Variants in BCL2 observed in about 807,000 individuals in gnomAD.
BCL2 encodes the protein apoptosis regulator Bcl-2.
BCL2 carries 1 observed loss-of-function variant against 14.2 expected under a neutral mutation model. That is an observed-to-expected ratio of 0.07 (90% CI 0.02 to 0.33). BCL2 has a LOEUF of 0.33. Ranked by LOEUF, BCL2 falls within the 10% of genes least tolerant of loss-of-function variation. The pLI is 0.99. For synonymous variants in BCL2, 151 were observed against 137.2 expected, an observed-to-expected ratio of 1.10 and a Z score of -0.70; for missense variants, 247 against 305.9, an observed-to-expected ratio of 0.81 and a Z score of 1.44.
At chr18:63,287,717 G>A (rs1342766540) in intron 2 of BCL2, among the ~76,000 whole-genome samples, 1 of 152,112 alleles carries the variant, frequency 6.6e-6, no homozygotes, top group Non-Finnish European at 1.5e-5. Context: ...AAGAAGGAAT[G>A]AGAGGTTGAA....
intron 2 of BCL2, among the ~76,000 whole-genome samples, chr18:63,208,693 C>T (rs192274629): frequency 8.5e-5 from 13 of 152,252 alleles, no homozygotes; most frequent in African/African-American, 1.9e-4. Flanking sequence ...TTTTAACTAT[C>T]GGGCTAAGGA....
At chr18:63,200,086 T>C (rs939561789) in intron 2 of BCL2, among the ~76,000 whole-genome samples, 2 of 152,222 alleles carry the variant, frequency 1.3e-5, no homozygotes, top group South Asian at 4.1e-4. Context: ...TGTTTGGGTT[T>C]ACTTGCCTTC....
In BCL2 at chr18:63,123,880, G is replaced by T. The variant is rs562649519; in HGVS notation, c.*4745C>A. 6 of 217,868 alleles carry T rather than the reference G, an allele frequency of 2.8e-5. No homozygotes were observed. In the South Asian group the frequency reaches 9.3e-4, roughly 34 times the overall value. The allele number at this position is 217,868 out of a possible 1,614,324, so 13.5% of individuals were successfully genotyped here. ...AGGTTTAGGTGCATGGATTTACTCAGTATCTACACTACAGTCTTATTTATT... is the reference window on the plus strand; with the variant it reads ...AGGTTTAGGTGCATGGATTTACTCATTATCTACACTACAGTCTTATTTATT... On this transcript the variant is annotated 3_prime_UTR_variant, in exon 3 of 3. Coordinates refer to ENST00000333681, the MANE Select transcript of BCL2 (RefSeq NM_000633.3).
In BCL2 at chr18:63,149,355, C is replaced by G. The variant is rs1218087379; in HGVS notation, c.586-20596G>C. On this transcript the variant is annotated intron_variant, in intron 2 of 2. Coordinates refer to ENST00000333681, the MANE Select transcript of BCL2 (RefSeq NM_000633.3). The surrounding 1 kb of genome is among the most constrained non-coding windows in gnomAD (Gnocchi z 4.2). ...AAACCTAATGTCGCCACTGATCTGA[C>G]AGGAGCCGGAGCTCAGGCAGTGATG... Among the ~76,000 whole-genome samples, 1 of 152,234 alleles carries G rather than the reference C, an allele frequency of 6.6e-6. No individual in the cohort carries two copies. The highest frequency in any genetic ancestry group is 2.4e-5 in the African/African-American group (1 of 41,460).
rs546449806 is a variant in BCL2 at position 63,318,572 on chromosome 18, G to A, written c.95C>T (p.Ala32Val). The A allele has an allele frequency of 6.3e-7, 1 of 1,599,434 alleles. No homozygotes were observed. Among genetic ancestry groups the A allele is most frequent in the Non-Finnish European group, 8.5e-7 (1 of 1,174,074 alleles). The stretch of plus-strand genomic sequence containing the variant: ...CGGGGGCGCGGCGCCCACATCTCCC[G>A]CATCCCACTCGTAGCCCCTCTGCGA... ...KLSQRGYEWDAGDVGAAPPGA... is the reference protein window; with the variant it reads ...KLSQRGYEWDVGDVGAAPPGA... The change falls in exon 2 of 3, where the codon GCG (alanine) becomes GTG (valine). Residue 32 changes from alanine (A) to valine (V), a missense_variant. Physicochemically the swap from Ala to Val is moderately conservative, Grantham distance 64 (BLOSUM62 0). Around this residue, in one of 3 missense-constraint regions of BCL2, gnomAD observed 144 missense variants for 135.3 expected, o/e 1.06. Transcript: ENST00000333681. This position sits in a 1 kb window ranked among gnomAD's most constrained non-coding sequence, Gnocchi z 7.4.
At chr18:63,264,875 G>T (rs1437796096) in intron 2 of BCL2, among the ~76,000 whole-genome samples, 1 of 152,304 alleles carries the variant, frequency 6.6e-6, no homozygotes, top group Non-Finnish European at 1.5e-5. Context: ...CACCCATGTG[G>T]GGAGTACGCT....
intron 2 of BCL2, among the ~76,000 whole-genome samples, chr18:63,173,776 T>TATC (rs1915285329): frequency 6.6e-6 from 1 of 152,246 alleles, no homozygotes; most frequent in Non-Finnish European, 1.5e-5. Context: ...TTCTTGTTTG[T>TATC]ATCAGACTTC....
intron 2 of BCL2, among the ~76,000 whole-genome samples, chr18:63,203,779 A>C (rs998013319): frequency 4.6e-5 from 7 of 152,214 alleles, no homozygotes; most frequent in Non-Finnish European, 7.3e-5. Context: ...AAAGCAAACT[A>C]AGTGTTTCTA....
chr18:63,163,618 A>G (rs1348656816), intron 2 of BCL2, among the ~76,000 whole-genome samples: 1 of 152,232 alleles, frequency 6.6e-6, no homozygotes, highest in Non-Finnish European at 1.5e-5. Context: ...GTAGGAAGTT[A>G]TGTGGAGAGG....
chr18:63,150,405 A>G (rs1376542988), intron 2 of BCL2, among the ~76,000 whole-genome samples: 1 of 152,248 alleles, frequency 6.6e-6, no homozygotes, highest in Non-Finnish European at 1.5e-5. Context: ...GCTGAAAGAA[A>G]AGCAGAAAAA....
chr18:63,199,966 G>A (rs1393391055), intron 2 of BCL2, among the ~76,000 whole-genome samples: 3 of 151,686 alleles, frequency 2.0e-5, no homozygotes, highest in African/African-American at 7.3e-5. Context: ...ACACACACAC[G>A]AAGGATATTT....
At chr18:63,238,823 C>A (rs1289394885) in intron 2 of BCL2, among the ~76,000 whole-genome samples, 1 of 152,204 alleles carries the variant, frequency 6.6e-6, no homozygotes, top group African/African-American at 2.4e-5. Context: ...AGGGTACCAG[C>A]AAGATGAGCG....
intron 2 of BCL2, among the ~76,000 whole-genome samples, chr18:63,246,682 C>A (rs957302028): frequency 6.6e-6 from 1 of 152,174 alleles, no homozygotes; most frequent in African/African-American, 2.4e-5. Context: ...CACCATCCTC[C>A]CCAGTTACAC....
intron 2 of BCL2, among the ~76,000 whole-genome samples, chr18:63,163,153 C>T (rs538782028): frequency 1.3e-5 from 2 of 152,232 alleles, no homozygotes; most frequent in South Asian, 4.1e-4. Context: ...GCCACCCTTC[C>T]TTACCACTGT....
intron 2 of BCL2, among the ~76,000 whole-genome samples, chr18:63,179,386 C>T (rs1014178327): frequency 1.3e-5 from 2 of 152,208 alleles, no homozygotes; most frequent in Admixed American, 1.3e-4. Context: ...TACATTCCAG[C>T]CCCCGAAAAG....
intron 2 of BCL2, among the ~76,000 whole-genome samples, chr18:63,192,383 G>A (rs1441711289): frequency 3.3e-5 from 5 of 152,222 alleles, no homozygotes; most frequent in Non-Finnish European, 7.3e-5. Flanking sequence ...GTTGGTGAGA[G>A]CTGAGGCTTG....
chr18:63,141,420 C>A (rs1914358566), intron 2 of BCL2, among the ~76,000 whole-genome samples: 1 of 152,212 alleles, frequency 6.6e-6, no homozygotes, highest in African/African-American at 2.4e-5. Context: ...CTTGGCACAG[C>A]ACTGAAGCTG....
chr18:63,150,113 C>G (rs1914616856), intron 2 of BCL2, among the ~76,000 whole-genome samples: 1 of 152,208 alleles, frequency 6.6e-6, no homozygotes, highest in Admixed American at 6.5e-5. Context: ...AAACTCCTGA[C>G]CTCAAGTGAT....
intron 2 of BCL2, among the ~76,000 whole-genome samples, chr18:63,167,859 G>C (rs977595716): frequency 6.6e-6 from 1 of 151,904 alleles, no homozygotes; most frequent in Non-Finnish European, 1.5e-5. Context: ...CCGGGAGGCA[G>C]AGGTTGCAGT....
Sources: allele counts gnomAD v4.1 joint callset (sites outside exome capture counted in the v4.1 genomes callset), GRCh38; gene constraint gnomAD v4.1.1; regional missense constraint gnomAD v4.1.1; non-coding constraint Gnocchi (gnomAD v3.1); transcripts MANE v1.5; gene names NCBI Gene and HGNC (gene_info 2026-07-23, HGNC 2026-07-21).